The following OTOGL variants were observed in gnomAD, a reference collection of about 807,000 sequenced individuals.
OTOGL encodes the protein otogelin-like protein.
Under a neutral mutation model 318.5 loss-of-function variants are expected in OTOGL, and 285 were observed. The observed-to-expected ratio is 0.89, with a 90% confidence interval of 0.81 to 0.99. The LOEUF (loss-of-function observed/expected upper bound fraction) is 0.99, where lower values mean the gene tolerates loss of function less well. Ranked by LOEUF, OTOGL falls within the 50% of genes least tolerant of loss-of-function variation. The pLI is 0.00. For synonymous variants in OTOGL, 987 were observed against 936.5 expected, an observed-to-expected ratio of 1.05 and a Z score of -0.99; for missense variants, 2,899 against 2,845.6, an observed-to-expected ratio of 1.02 and a Z score of -0.43.
intron 7 of OTOGL, among the ~76,000 whole-genome samples, chr12:80,223,788 C>T (rs1333203682): frequency 3.3e-5 from 5 of 151,532 alleles, no homozygotes. Context: ...TTGTTTTTTT[C>T]TTGCTAATTT....
At chr12:80,328,920 T>C (rs367595309) in intron 36 of OTOGL, 131 bp from the exon 37 acceptor site, 1 of 1,016,398 alleles carries the variant, frequency 9.8e-7, no homozygotes, top group African/African-American at 1.6e-5. Context: ...CATGTAGATC[T>C]TCCACTAACA....
chr12:80,172,770 G>A lies in OTOGL; in HGVS notation c.-19-36643G>A, dbSNP rs1164874316. Among the ~76,000 whole-genome samples the A allele has an allele frequency of 1.3e-5, 2 of 152,116 alleles. 1 individual carries two copies. The highest frequency in any genetic ancestry group is 2.9e-5 in the Non-Finnish European group (2 of 68,028). ...GCTCACCGCAGCCTCTGCCTCTTGG[G>A]TTCAAGCGATACTCCTGCCATGAAT... On this transcript the variant is annotated intron_variant, in intron 1 of 58. Coordinates refer to ENST00000547103, the MANE Select transcript of OTOGL (RefSeq NM_001378609.3).
chr12:80,101,820 AG>A (rs1445384640), intron 1 of OTOGL, among the ~76,000 whole-genome samples: 2 of 152,198 alleles, frequency 1.3e-5, no homozygotes, highest in Non-Finnish European at 2.9e-5. Context: ...ATACCTGTAA[AG>A]GGGGGAAATT....
intron 30 of OTOGL, among the ~76,000 whole-genome samples, chr12:80,311,305 ATTGT>A (rs1264443004): frequency 1.3e-5 from 2 of 152,198 alleles, no homozygotes; most frequent in African/African-American, 4.8e-5. Context: ...CACTTGTATG[ATTGT>A]TTGACTTGTG....
rs769094696 is a variant in OTOGL, at chr12:80,217,607, A to G, written c.178A>G (p.Thr60Ala). 1 of 1,543,170 alleles carries G rather than the reference A, an allele frequency of 6.5e-7. No homozygotes were observed. The highest frequency in any genetic ancestry group is 8.8e-7 in the Non-Finnish European group (1 of 1,139,936). The change falls in exon 5 of 59, where the codon ACT (threonine) becomes GCT (alanine). Residue 60 changes from threonine (T) to alanine (A), a missense_variant. By Grantham distance (58) the Thr-to-Ala change is moderately conservative (BLOSUM62 0). Transcript: ENST00000547103. ...TTTCTTTCTTTCAAAGTTTGAAGCT[A>G]CTTCTCCGAGATACTTTTTCCATGA... ...RALLAAQFEA[T>A]SPRYFFHDAI...
At chr12:80,138,647 C>T (rs1871731029) in intron 1 of OTOGL, among the ~76,000 whole-genome samples, 1 of 151,926 alleles carries the variant, frequency 6.6e-6, no homozygotes, top group African/African-American at 2.4e-5. Flanking sequence ...AAGCCAATAG[C>T]TACATTAGCA....
At chr12:80,141,277 G>C (rs1222138807) in intron 1 of OTOGL, among the ~76,000 whole-genome samples, 2 of 152,080 alleles carry the variant, frequency 1.3e-5, no homozygotes, top group East Asian at 3.9e-4. Flanking sequence ...TTATCTTTTA[G>C]CCTCATTTGT....
chr12:80,351,496 A>G (rs903921243), intron 44 of OTOGL, among the ~76,000 whole-genome samples: 1 of 152,008 alleles, frequency 6.6e-6, no homozygotes, highest in African/African-American at 2.4e-5. Flanking sequence ...TTGTATTTTT[A>G]GTAGAGACGG....
chr12:80,350,266 T>C (rs35645381), intron 44 of OTOGL, among the ~76,000 whole-genome samples: 3 of 152,184 alleles, frequency 2.0e-5, no homozygotes, highest in Non-Finnish European at 4.4e-5. Context: ...TAATATTCCA[T>C]TGTGTATATT....
chr12:80,239,029 C>T, intron 10 of OTOGL, 51 bp downstream of exon 10: 1 of 1,510,090 alleles, frequency 6.6e-7, no homozygotes, highest in Non-Finnish European at 8.8e-7. Context: ...ACACATATAT[C>T]TTATTTGTAT....
intron 1 of OTOGL, among the ~76,000 whole-genome samples, chr12:80,150,017 C>T (rs995698458): frequency 4.6e-5 from 7 of 152,270 alleles, no homozygotes; most frequent in Admixed American, 6.5e-5. Context: ...CCATCTTCTG[C>T]GTCGCTCACG....
At chr12:80,271,894 C>T in intron 24 of OTOGL, 84 bp downstream of exon 24, 2 of 1,438,484 alleles carry the variant, frequency 1.4e-6, no homozygotes, top group Non-Finnish European at 1.9e-6. Context: ...ATAGAAATAG[C>T]CAGAATTGTT....
At chr12:80,187,803 T>A (rs1465380019) in intron 1 of OTOGL, among the ~76,000 whole-genome samples, 3 of 152,162 alleles carry the variant, frequency 2.0e-5, no homozygotes, top group African/African-American at 7.2e-5. Flanking sequence ...TGGGCTGGTG[T>A]CAGATACAAG....
chr12:80,351,528 A>ATGGTGTC (rs985282018), intron 44 of OTOGL, among the ~76,000 whole-genome samples: 42 of 151,994 alleles, frequency 2.8e-4, no homozygotes, highest in African/African-American at 9.9e-4. Flanking sequence ...GTTGGCCAGG[A>ATGGTGTC]TGGTGTCAAT....
At chr12:80,158,126 G>A (rs1167379059) in intron 1 of OTOGL, among the ~76,000 whole-genome samples, 1 of 151,936 alleles carries the variant, frequency 6.6e-6, no homozygotes, top group Non-Finnish European at 1.5e-5. Context: ...AATCTATAAA[G>A]CTCAGAAAAC....
At chr12:80,353,620 T>C (rs1889698772) in intron 46 of OTOGL, 110 bp downstream of exon 46, 2 of 881,932 alleles carry the variant, frequency 2.3e-6, no homozygotes, top group Non-Finnish European at 1.5e-6. Context: ...ACAGCCTCTG[T>C]TGGAAAGGAA....
chr12:80,341,838 C>A, intron 43 of OTOGL, 110 bp from the exon 44 acceptor site: 1 of 747,822 alleles, frequency 1.3e-6, no homozygotes. Flanking sequence ...AACTTGGTAC[C>A]TTATATGGTA....
At position 80,249,587 on chromosome 12, in the gene OTOGL, T is replaced by A. The variant is rs2137486367; in HGVS notation, c.1053-2106T>A. Among the ~76,000 whole-genome samples the A allele has an allele frequency of 2.0e-5, 3 of 152,134 alleles. No individual in the cohort carries two copies. The South Asian group carries it at 6.2e-4, about 32-fold the overall frequency. On this transcript the variant is annotated intron_variant, in intron 11 of 58. Coordinates refer to ENST00000547103, the MANE Select transcript of OTOGL (RefSeq NM_001378609.3). ...CTTCAAAGCTGTCAGACAGGGACAT[T>A]TAAGTCTGCAGAGGTTACTGCTGTC...
At chr12:80,341,885 T>C (rs1402010998) in intron 43 of OTOGL, 63 bp from the exon 44 acceptor site, 26 of 1,070,084 alleles carry the variant, frequency 2.4e-5, no homozygotes, top group Admixed American at 1.5e-4. Context: ...ATTTAACTGA[T>C]TTAGTTGTGC....
Sources: allele counts gnomAD v4.1 joint callset (sites outside exome capture counted in the v4.1 genomes callset), GRCh38; gene constraint gnomAD v4.1.1; transcripts MANE v1.5; gene names NCBI Gene and HGNC (gene_info 2026-07-23, HGNC 2026-07-21).